Variants in COMP observed in about 807,000 individuals in gnomAD.
The protein encoded by COMP is cartilage oligomeric matrix protein, also known as cartilage oligomeric matrix protein (pseudoachondroplasia, epiphyseal dysplasia 1, multiple).
COMP carries 79 observed loss-of-function variants against 95.8 expected under a neutral mutation model. That is an observed-to-expected ratio of 0.82 (90% CI 0.69 to 0.99). COMP has a LOEUF of 0.99. Among genes scored for constraint, COMP ranks in the 50% least tolerant of loss-of-function variants. The probability of loss-of-function intolerance (pLI) is 0.00; values close to 1 mark genes in which losing one functional copy is unlikely to be tolerated. For synonymous variants in COMP, 438 were observed against 433.9 expected, an observed-to-expected ratio of 1.01 and a Z score of -0.12; for missense variants, 906 against 1,076.1, an observed-to-expected ratio of 0.84 and a Z score of 2.21.
rs780461514 is a variant in COMP at position 18,786,066 on chromosome 19, C to G, written c.1388G>C (p.Gly463Ala). ...GTCGTCGTCGCAGGCATCACCCTGGCCATCGTGGTCTGAGTCCTCCTGGGC... is the reference window on the plus strand; with the variant it reads ...GTCGTCGTCGCAGGCATCACCCTGGGCATCGTGGTCTGAGTCCTCCTGGGC... ...NSAQEDSDHD[G>A]QGDACDDDDD... Residue 463 changes from glycine to alanine, a missense_variant, in exon 13 of 19, where the codon GGC becomes GCC. Physicochemically the swap from Gly to Ala is moderately conservative, Grantham distance 60. Transcript: ENST00000222271. 1 of 1,614,038 alleles carries G rather than the reference C, an allele frequency of 6.2e-7. No individual in the cohort carries two copies. Among genetic ancestry groups the G allele is most frequent in the Admixed American group, 1.7e-5 (1 of 60,030 alleles).
chr19:18,784,760 A>C lies in COMP; in HGVS notation c.1914+136T>G. On this transcript the variant is annotated intron_variant, in intron 16 of 18. Transcript: ENST00000222271. This position sits in a 1 kb window ranked among gnomAD's most constrained non-coding sequence, Gnocchi z 4.9. ...GGATTTGGGGACTGCGGGAGCCCAGAGGAGGGCTGGGACAGCTTTGAGGTC... is the reference window on the plus strand; with the variant it reads ...GGATTTGGGGACTGCGGGAGCCCAGCGGAGGGCTGGGACAGCTTTGAGGTC... 1 of 955,690 alleles carries C rather than the reference A, an allele frequency of 1.0e-6. No individual in the cohort carries two copies. Among genetic ancestry groups the C allele is most frequent in the Non-Finnish European group, 1.6e-6 (1 of 614,096 alleles). 59.2% of individuals were successfully genotyped at this position (955,690 alleles called of 1,614,324 possible).
chr19:18,788,949 C>G lies in COMP; in HGVS notation c.529-36G>C. On this transcript the variant is annotated intron_variant, in intron 5 of 18. Coordinates refer to ENST00000222271, the MANE Select transcript of COMP (RefSeq NM_000095.3). The surrounding 1 kb of genome is among the most constrained non-coding windows in gnomAD (Gnocchi z 4.7). ...GGAACTCAGAGGTCACCACCCCACG[C>G]AGACACCTCCGGACCTCCCACCTCC... The G allele has an allele frequency of 6.2e-7, 1 of 1,606,386 alleles. No homozygotes were observed. Among genetic ancestry groups the G allele is most frequent in the Non-Finnish European group, 8.5e-7 (1 of 1,175,628 alleles).
chr19:18,789,824 A>G lies in COMP; in HGVS notation c.390+118T>C. 1.6e-6 allele frequency: 2 copies of G among 1,275,600 alleles called. No individual in the cohort carries two copies. The highest frequency in any genetic ancestry group is 1.1e-6 in the Non-Finnish European group (1 of 909,786). The allele number at this position is 1,275,600 out of a possible 1,614,324, so 79.0% of individuals were successfully genotyped here. A position where few individuals can be genotyped will look rare whatever the true frequency, so the allele number is the denominator to read the frequency against. On this transcript the variant is annotated intron_variant, in intron 4 of 18. Transcript: ENST00000222271. This position sits in a 1 kb window ranked among gnomAD's most constrained non-coding sequence, Gnocchi z 6.1. ...AGGTAGTCTGGCCGTGCGCCCCCGG[A>G]GGTGAGAGGCTCTTCGGGGCGAACA...
Position 18,790,075 on chromosome 19 carries a change from C to T in COMP, c.257G>A (p.Arg86Gln). Residue 86 changes from arginine (R) to glutamine (Q), a missense_variant, in exon 4 of 19, where the codon CGG (arginine) becomes CAG (glutamine). Physicochemically the swap from Arg to Gln is conservative, Grantham distance 43. Transcript: ENST00000222271. ...GCCGGGCGCGCAGTGGAGCAGGGGC[C>T]GCACGCTGGGTAGGCCGGTGCGTAC... ...QSVRTGLPSVRPLLHCAPGFC... is the reference protein window; with the variant it reads ...QSVRTGLPSVQPLLHCAPGFC... 3 of 1,546,484 alleles carry T rather than the reference C, an allele frequency of 1.9e-6. No homozygotes were observed. Among genetic ancestry groups the T allele is most frequent in the African/African-American group, 1.4e-5 (1 of 73,414 alleles).
In COMP at chr19:18,789,551, G is replaced by A. The variant is rs3787050; in HGVS notation, c.391-254C>T. On this transcript the variant is annotated intron_variant, in intron 4 of 18. Coordinates refer to ENST00000222271, the MANE Select transcript of COMP (RefSeq NM_000095.3). The surrounding 1 kb of genome is among the most constrained non-coding windows in gnomAD (Gnocchi z 6.1). ...ATGAGGGCGGGCATCCCCAGCAGAG[G>A]GGGGCAGGGGTCGTCGGGGCGTGCG... Among the ~76,000 whole-genome samples the A allele has an allele frequency of 0.11, 16,740 of 151,994 alleles. 1,158 individuals are homozygous for A. The highest frequency in any genetic ancestry group is 0.2 in the Middle Eastern group (60 of 294).
chr19:18,790,757 C>A, intron 2 of COMP, 93 bp downstream of exon 2: 1 of 1,599,728 alleles, frequency 6.3e-7, no homozygotes, highest in Admixed American at 1.7e-5. Flanking sequence ...CCCATCTCCT[C>A]TCCACCTTCT....
chr19:18,789,440 T>G lies in COMP; in HGVS notation c.391-143A>C. 1.0e-6 allele frequency: 1 copy of G among 971,442 alleles called. No homozygotes were observed. The highest frequency in any genetic ancestry group is 1.5e-6 in the Non-Finnish European group (1 of 686,642). 60.2% of individuals were successfully genotyped at this position (971,442 alleles called of 1,614,324 possible). ...GAGATGGAAGCAATTGTCGCAGGGG[T>G]CAGGCACGACTTTGCCTTGATGACG... On this transcript the variant is annotated intron_variant, in intron 4 of 18. Transcript: ENST00000222271. This position sits in a 1 kb window ranked among gnomAD's most constrained non-coding sequence, Gnocchi z 6.1.
rs1343625911 is a variant in COMP, at chr19:18,789,054, TCC to T, written c.528+104_528+105del. 19 of 1,538,576 alleles carry T rather than the reference TCC, an allele frequency of 1.2e-5. No homozygotes were observed. Among genetic ancestry groups the T allele is most frequent in the Non-Finnish European group, 1.6e-5 (18 of 1,135,898 alleles). The stretch of plus-strand genomic sequence containing the variant: ...GCCCTGGCGCAGCGGACCCCTCCTC[TCC>T]CCACCCCTCCCGCTGGAAGGAGGCT... On this transcript the variant is annotated intron_variant, in intron 5 of 18. Coordinates refer to ENST00000222271, the MANE Select transcript of COMP (RefSeq NM_000095.3). This position sits in a 1 kb window ranked among gnomAD's most constrained non-coding sequence, Gnocchi z 6.1.
chr19:18,789,086 G>T lies in COMP; in HGVS notation c.528+74C>A. The T allele has an allele frequency of 6.4e-7, 1 of 1,564,238 alleles. No homozygotes were observed. Among genetic ancestry groups the T allele is most frequent in the South Asian group, 1.2e-5 (1 of 84,246 alleles). ...CCCTCCCGCTGGAAGGAGGCTGGAA[G>T]AGGAGTTTACTGGTAAACAAAATGG... On this transcript the variant is annotated intron_variant, in intron 5 of 18. Coordinates refer to ENST00000222271, the MANE Select transcript of COMP (RefSeq NM_000095.3). This position sits in a 1 kb window ranked among gnomAD's most constrained non-coding sequence, Gnocchi z 6.1.
chr19:18,786,513 G>A lies in COMP; in HGVS notation c.1254+19C>T, dbSNP rs1305524462. On this transcript the variant is annotated intron_variant, in intron 11 of 18. Coordinates refer to ENST00000222271, the MANE Select transcript of COMP (RefSeq NM_000095.3). ...TTCACCCAGAGGGCTTACCCAGCTG[G>A]AGTCTGGCCTGCCCTCACCTGATCC... The A allele has an allele frequency of 5.6e-6, 9 of 1,603,112 alleles. No homozygotes were observed. Among genetic ancestry groups the A allele is most frequent in the Middle Eastern group, 1.7e-4 (1 of 6,052 alleles).
Position 18,789,133 on chromosome 19 carries a change from CA to C in COMP, c.528+26del. 6.3e-7 allele frequency: 1 copy of C among 1,581,164 alleles called. No individual in the cohort carries two copies. Reference sequence around the variant, plus strand: ...ATGGACGCCCCCTTCCCTTCTGCTCCAAAAATGGGGCCCCCACACCTCTCAC... The same window carrying C: ...ATGGACGCCCCCTTCCCTTCTGCTCCAAAATGGGGCCCCCACACCTCTCAC... On this transcript the variant is annotated intron_variant, in intron 5 of 18. Coordinates refer to ENST00000222271, the MANE Select transcript of COMP (RefSeq NM_000095.3). The surrounding 1 kb of genome is among the most constrained non-coding windows in gnomAD (Gnocchi z 6.1).
chr19:18,787,839 T>C (rs72999353), intron 9 of COMP, among the ~76,000 whole-genome samples, 189 bp from the exon 10 acceptor site: 338 of 131,120 alleles, frequency 2.6e-3, no homozygotes, highest in Non-Finnish European at 4.3e-3. Flanking sequence ...CACAGCTCTG[T>C]CTTTTCTTTT....
Position 18,790,907 on chromosome 19 carries a change from C to T in COMP, c.108G>A (p.Arg36=), listed in dbSNP as rs1278275353. 6.4e-7 allele frequency: 1 copy of T among 1,570,714 alleles called. No homozygotes were observed. Among genetic ancestry groups the T allele is most frequent in the Non-Finnish European group, 8.6e-7 (1 of 1,158,890 alleles). The change falls in exon 2 of 19, where the codon CGG becomes CGA. Residue 36 remains arginine (R), a synonymous_variant. Transcript: ENST00000222271. ...GCGCCGCGTTGGTTTCCTGCAGTTC[C>T]CGAAGCATCTGCGGGCCCAGGTCTG... The part of the protein sequence containing the change: ...LGSDLGPQML[R]ELQETNAALQ...
rs1238795032 is a variant in COMP at position 18,790,099 on chromosome 19, A to ACTGACTG, written c.226_232dup (p.Val78AlafsTer110). The ACTGACTG allele has an allele frequency of 1.1e-5, 17 of 1,536,920 alleles. No individual in the cohort carries two copies. The highest frequency in any genetic ancestry group is 1.5e-5 in the Non-Finnish European group (17 of 1,144,796). ...CCGCACGCTGGGTAGGCCGGTGCGT[A>ACTGACTG]CTGACTGCTGCATCCCTGCGGGGGG... On this transcript the variant is annotated frameshift_variant, in exon 4 of 19. Coordinates refer to ENST00000222271, the MANE Select transcript of COMP (RefSeq NM_000095.3). LOFTEE classifies it high-confidence loss of function.
At position 18,784,500 on chromosome 19, in the gene COMP, C is replaced by T. The variant is rs2055151140; in HGVS notation, c.1915-137G>A. The T allele has an allele frequency of 3.0e-6, 3 of 1,016,038 alleles. No homozygotes were observed. The Admixed American group carries it at 5.9e-5, about 20-fold the overall frequency. 62.9% of individuals were successfully genotyped at this position (1,016,038 alleles called of 1,614,324 possible). On this transcript the variant is annotated intron_variant, in intron 16 of 18. Coordinates refer to ENST00000222271, the MANE Select transcript of COMP (RefSeq NM_000095.3). The surrounding 1 kb of genome is among the most constrained non-coding windows in gnomAD (Gnocchi z 4.9). ...CCGGATGAGAGACCCACAAGGAAGC[C>T]TTCTTCAGGGGCCAAATGGCAGCTT... is the stretch of plus-strand genomic sequence containing the variant.
Position 18,789,064 on chromosome 19 carries a change from T to A in COMP, c.528+96A>T, listed in dbSNP as rs549577863. ...AGCGGACCCCTCCTCTCCCCACCCC[T>A]CCCGCTGGAAGGAGGCTGGAAGAGG... On this transcript the variant is annotated intron_variant, in intron 5 of 18. Transcript: ENST00000222271. This position sits in a 1 kb window ranked among gnomAD's most constrained non-coding sequence, Gnocchi z 6.1. 7 of 1,544,118 alleles carry A rather than the reference T, an allele frequency of 4.5e-6. No individual in the cohort carries two copies. The highest frequency in any genetic ancestry group is 6.1e-6 in the Non-Finnish European group (7 of 1,140,712).
At position 18,788,755 on chromosome 19, in the gene COMP, G is replaced by A. The variant is rs1165041536; in HGVS notation, c.604-5C>T. ...CGGGCCGCACTGGAAGGAGCCCTGCGCCGGAGCCGCCGGAGGTCAGCGCAG... is the reference window on the plus strand; with the variant it reads ...CGGGCCGCACTGGAAGGAGCCCTGCACCGGAGCCGCCGGAGGTCAGCGCAG... On this transcript the variant is annotated splice_polypyrimidine_tract_variant and splice_region_variant and intron_variant, in intron 6 of 18. Transcript: ENST00000222271. The surrounding 1 kb of genome is among the most constrained non-coding windows in gnomAD (Gnocchi z 4.7). 6.3e-7 allele frequency: 1 copy of A among 1,579,628 alleles called. No individual in the cohort carries two copies. Among genetic ancestry groups the A allele is most frequent in the Non-Finnish European group, 8.6e-7 (1 of 1,162,780 alleles).
chr19:18,789,106 A>G lies in COMP; in HGVS notation c.528+54T>C. The G allele has an allele frequency of 1.3e-6, 2 of 1,567,060 alleles. No homozygotes were observed. The highest frequency in any genetic ancestry group is 2.4e-5 in the South Asian group (2 of 83,172). ...TGGAAGAGGAGTTTACTGGTAAACA[A>G]AATGGACGCCCCCTTCCCTTCTGCT... is the stretch of plus-strand genomic sequence containing the variant. On this transcript the variant is annotated intron_variant, in intron 5 of 18. Transcript: ENST00000222271. The surrounding 1 kb of genome is among the most constrained non-coding windows in gnomAD (Gnocchi z 6.1).
Position 18,785,102 on chromosome 19 carries a change from G to A in COMP, c.1718-10C>T, listed in dbSNP as rs770529459. The A allele has an allele frequency of 1.1e-5, 17 of 1,613,478 alleles. No homozygotes were observed. The South Asian group carries it at 1.9e-4, about 18-fold the overall frequency. Reference sequence around the variant, plus strand: ...TTGAAGGCAGTGTAACCTAGGGATGGAAAGAGAGCAGTGGCCTTTCCGAAC... The same window carrying A: ...TTGAAGGCAGTGTAACCTAGGGATGAAAAGAGAGCAGTGGCCTTTCCGAAC... On this transcript the variant is annotated splice_polypyrimidine_tract_variant and intron_variant, in intron 15 of 18. Transcript: ENST00000222271.
Sources: gnomAD v4.1 joint callset for allele counts (sites outside exome capture counted in the v4.1 genomes callset) on GRCh38, gnomAD v4.1.1 for gene constraint, Gnocchi (gnomAD v3.1) non-coding constraint, MANE v1.5 for transcripts, NCBI Gene and HGNC (gene_info 2026-07-23, HGNC 2026-07-21) for gene names.